Variants in RBFOX1 observed in about 807,000 individuals in gnomAD.
RBFOX1 encodes RNA binding fox-1 homolog 1.
In RBFOX1, 8 loss-of-function variants were observed where a neutral mutation model predicts 57.7. The ratio of observed to expected loss-of-function variants is 0.14; its 90% CI spans 0.08 to 0.25. The LOEUF is 0.25. RBFOX1 is among the 10% of genes least tolerant of loss of function. The pLI, the probability that RBFOX1 is intolerant of heterozygous loss-of-function variation, is 1.00. For synonymous variants in RBFOX1, 326 were observed against 222.4 expected (o/e 1.47, Z -4.15); for missense variants, 611 against 548.5 (o/e 1.11, Z -1.14).
intron 3 of RBFOX1, among the ~76,000 whole-genome samples, chr16:5,782,569 A>T (rs1190589542): frequency 1.3e-5 from 2 of 152,206 alleles, no homozygotes; most frequent in Non-Finnish European, 2.9e-5. Context: ...AGACAGTGTC[A>T]GGATGGGGGA....
chr16:6,567,344 C>T (rs916684885), intron 2 of RBFOX1, among the ~76,000 whole-genome samples: 7 of 152,164 alleles, frequency 4.6e-5, no homozygotes, highest in Admixed American at 2.0e-4. Flanking sequence ...ATGGATGTTA[C>T]TCTGTGTGCT....
At chr16:5,442,479 G>A (rs544675453) in intron 1 of RBFOX1, among the ~76,000 whole-genome samples, 74 of 152,322 alleles carry the variant, frequency 4.9e-4, no homozygotes, top group African/African-American at 1.8e-3. Context: ...GAGGCAGGGA[G>A]GTGACTGAGC....
At chr16:7,120,167 T>C (rs550859974) in intron 4 of RBFOX1, among the ~76,000 whole-genome samples, 2 of 152,134 alleles carry the variant, frequency 1.3e-5, no homozygotes, top group African/African-American at 2.4e-5. Context: ...TTACAAAATA[T>C]ATGGTGGGAA....
chr16:7,389,421 C>A (rs2097950594), intron 4 of RBFOX1, among the ~76,000 whole-genome samples: 1 of 152,144 alleles, frequency 6.6e-6, no homozygotes, highest in African/African-American at 2.4e-5. Context: ...CCACAGTGCC[C>A]AGCCAGATGT....
intron 4 of RBFOX1, among the ~76,000 whole-genome samples, chr16:7,182,243 T>C (rs2082864543): frequency 6.6e-6 from 1 of 152,180 alleles, no homozygotes; most frequent in African/African-American, 2.4e-5. Flanking sequence ...GTTGCTAGTT[T>C]ACCTTCGCTT....
At position 5,509,489 on chromosome 16, in the gene RBFOX1, T is replaced by C. The variant is rs562848852; in HGVS notation, c.258+42235T>C. On this transcript the variant is annotated intron_variant, in intron 2 of 2. Coordinates refer to the RBFOX1 transcript ENST00000585867. Reference sequence around the variant, plus strand: ...ACAAGCACTGTGGCTGGCTTGTAGTTGGCAAAGTGAGCAAAGAGAGAAAGG... The same window carrying C: ...ACAAGCACTGTGGCTGGCTTGTAGTCGGCAAAGTGAGCAAAGAGAGAAAGG... 5.3e-5 allele frequency among the ~76,000 whole-genome samples: 8 copies of C among 152,340 alleles called. No homozygotes were observed. In the South Asian group the frequency reaches 1.7e-3, roughly 32 times the overall value.
intron 3 of RBFOX1, among the ~76,000 whole-genome samples, chr16:6,819,636 C>A (rs111501287): frequency 7.8e-6 from 1 of 128,132 alleles, no homozygotes; most frequent in East Asian, 2.8e-4. Context: ...ACCTGGGAAG[C>A]GGAGGTTGCA....
At chr16:6,370,169 T>G (rs1237328174) in intron 2 of RBFOX1, among the ~76,000 whole-genome samples, 1 of 151,726 alleles carries the variant, frequency 6.6e-6, no homozygotes, top group Non-Finnish European at 1.5e-5. Context: ...CCGTCCTGGC[T>G]AATGCGGTGA....
intron 11 of RBFOX1, among the ~76,000 whole-genome samples, chr16:7,652,503 G>A (rs750103651): frequency 6.6e-6 from 1 of 152,178 alleles, no homozygotes; most frequent in East Asian, 1.9e-4. Flanking sequence ...CACCTCCCAG[G>A]TTCAAGCAAT....
intron 2 of RBFOX1, among the ~76,000 whole-genome samples, chr16:5,510,927 G>C (rs1411350212): frequency 6.6e-6 from 1 of 152,128 alleles, no homozygotes; most frequent in Non-Finnish European, 1.5e-5. Flanking sequence ...GCTGTAAAGG[G>C]TTAGTAGTTA....
intron 3 of RBFOX1, among the ~76,000 whole-genome samples, chr16:6,816,384 C>T (rs935754421): frequency 6.6e-6 from 1 of 151,206 alleles, no homozygotes; most frequent in Non-Finnish European, 1.5e-5. Context: ...GAAAGTCAAT[C>T]TTCGGTTTTG....
At chr16:6,718,968 T>C (rs1164084241) in intron 3 of RBFOX1, among the ~76,000 whole-genome samples, 2 of 152,022 alleles carry the variant, frequency 1.3e-5, no homozygotes, top group East Asian at 1.9e-4. Context: ...GCTCAAACAA[T>C]CCTCCCACCT....
chr16:6,329,859 A>C (rs1295093748), intron 2 of RBFOX1, among the ~76,000 whole-genome samples: 1 of 152,132 alleles, frequency 6.6e-6, no homozygotes, highest in Non-Finnish European at 1.5e-5. Flanking sequence ...AATCACTTGA[A>C]CCCAGGAGAC....
chr16:6,824,261 C>T (rs1050533595), intron 3 of RBFOX1, among the ~76,000 whole-genome samples: 16 of 152,138 alleles, frequency 1.1e-4, no homozygotes, highest in African/African-American at 3.4e-4. Context: ...AAAAATTAGC[C>T]AGATGTGGTG....
chr16:7,576,206 G>A (rs1375607333), intron 5 of RBFOX1, among the ~76,000 whole-genome samples: 1 of 151,992 alleles, frequency 6.6e-6, no homozygotes, highest in Non-Finnish European at 1.5e-5. Flanking sequence ...TTACAGGCAT[G>A]AGCCACTGCA....
rs187323599 is a variant in RBFOX1, at chr16:6,141,446, C to G, written c.-127+121454C>G. 2.0e-5 allele frequency among the ~76,000 whole-genome samples: 3 copies of G among 152,244 alleles called. No individual in the cohort carries two copies. The East Asian group carries it at 5.8e-4, about 30-fold the overall frequency. Reference sequence around the variant, plus strand: ...CCTGGGTTATCTGTTAGGGACCACACTCAAAACCAAACTCACCTCCATTTC... The same window carrying G: ...CCTGGGTTATCTGTTAGGGACCACAGTCAAAACCAAACTCACCTCCATTTC... On this transcript the variant is annotated intron_variant, in intron 1 of 15. Transcript: ENST00000550418.
intron 1 of RBFOX1, among the ~76,000 whole-genome samples, chr16:6,040,084 T>C (rs2095419784): frequency 6.6e-6 from 1 of 152,248 alleles, no homozygotes; most frequent in Non-Finnish European, 1.5e-5. Flanking sequence ...CAGTGTGGTG[T>C]ATTTGTTACA....
intron 1 of RBFOX1, among the ~76,000 whole-genome samples, chr16:5,428,122 CTGTGTGTGTGTG>C (rs3084227): frequency 7.1e-6 from 1 of 141,768 alleles, no homozygotes; most frequent in African/African-American, 2.7e-5. Context: ...GTGTGTGTGT[CTGTGTGTGTGTG>C]TGTGTGTGTG....
At chr16:6,871,204 G>T (rs139476767) in intron 3 of RBFOX1, among the ~76,000 whole-genome samples, 53 of 151,998 alleles carry the variant, frequency 3.5e-4, no homozygotes, top group African/African-American at 1.2e-3. Flanking sequence ...GCTTTTTTTG[G>T]AGATGGAGTG....
Sources: allele counts gnomAD v4.1 joint callset (sites outside exome capture counted in the v4.1 genomes callset), GRCh38; gene constraint gnomAD v4.1.1; transcripts MANE v1.5; gene names NCBI Gene and HGNC (gene_info 2026-07-23, HGNC 2026-07-21).